SCAI: variants seen among roughly 807,000 people sequenced by gnomAD.
SCAI encodes suppressor of cancer cell invasion.
Under a neutral mutation model 92.2 loss-of-function variants are expected in SCAI, and 24 were observed. That is an observed-to-expected ratio of 0.26 (90% CI 0.19 to 0.37). SCAI has a LOEUF of 0.37. Among genes scored for constraint, SCAI ranks in the 10% least tolerant of loss-of-function variants. SCAI has a pLI of 1.00. For missense variants in SCAI, 450 were observed against 736.2 expected, an observed-to-expected ratio of 0.61 and a Z score of 4.50; for synonymous variants, 261 against 258.6, an observed-to-expected ratio of 1.01 and a Z score of -0.09.
Position 124,945,553 on chromosome 9 carries a change from C to T in SCAI, c.*7254G>A, listed in dbSNP as rs1444035573. On this transcript the variant is annotated 3_prime_UTR_variant, in exon 18 of 18. Transcript: ENST00000336505. ...CTGGGCAACGAGCAAAACTCCATCT[C>T]AAAAAAAAAAAAATTATTAATTTTT... The T allele has an allele frequency of 7.8e-6, 1 of 128,036 alleles. No homozygotes were observed. The highest frequency in any genetic ancestry group is 1.7e-5 in the Non-Finnish European group (1 of 58,870). The allele number at this position is 128,036 out of a possible 1,614,324, so 7.9% of individuals were successfully genotyped here.
chr9:124,960,352 C>T (rs1004213313), intron 17 of SCAI, among the ~76,000 whole-genome samples: 3 of 152,158 alleles, frequency 2.0e-5, no homozygotes, highest in African/African-American at 7.2e-5. Flanking sequence ...GCTTTGGCCT[C>T]CTGAAGTATT....
At chr9:124,968,437 T>C in intron 17 of SCAI, 1 of 1,055,438 alleles carries the variant, frequency 9.5e-7, no homozygotes, top group Non-Finnish European at 1.5e-6. Flanking sequence ...TCATAACGCT[T>C]GAGTCCACTG....
At chr9:125,030,588 T>A (rs550385641) in intron 3 of SCAI, among the ~76,000 whole-genome samples, 5 of 152,220 alleles carry the variant, frequency 3.3e-5, no homozygotes, top group African/African-American at 1.2e-4. Context: ...GTTATTGCCA[T>A]AACAAACATG....
intron 3 of SCAI, among the ~76,000 whole-genome samples, chr9:125,031,151 G>A (rs1366076275): frequency 6.6e-6 from 1 of 152,098 alleles, no homozygotes; most frequent in African/African-American, 2.4e-5. Context: ...ACAAAGTCTA[G>A]AAGACAGTCG....
intron 2 of SCAI, among the ~76,000 whole-genome samples, chr9:125,137,510 C>G (rs1476944293): frequency 6.6e-6 from 1 of 152,226 alleles, no homozygotes; most frequent in Non-Finnish European, 1.5e-5. Flanking sequence ...GCCAAACCAT[C>G]AGAGAGCCAT....
rs145970005 is a variant in SCAI, at chr9:125,034,731, T to C, written c.231-4992A>G. Among the ~76,000 whole-genome samples, 8 of 151,572 alleles carry C rather than the reference T, an allele frequency of 5.3e-5. No homozygotes were observed. In the East Asian group the frequency reaches 1.2e-3, roughly 22 times the overall value. ...CCACTGTACTCTAGCATGGGCAACATAGCAAGACCCTGTCTCAAAACAAAC... is the reference window on the plus strand; with the variant it reads ...CCACTGTACTCTAGCATGGGCAACACAGCAAGACCCTGTCTCAAAACAAAC... On this transcript the variant is annotated intron_variant, in intron 3 of 17. Coordinates refer to ENST00000336505, the MANE Select transcript of SCAI (RefSeq NM_001144877.3).
At chr9:125,137,189 T>TG (rs1353135216) in intron 2 of SCAI, among the ~76,000 whole-genome samples, 1 of 152,252 alleles carries the variant, frequency 6.6e-6, no homozygotes, top group Non-Finnish European at 1.5e-5. Flanking sequence ...AGGAAAATCT[T>TG]GGTCCTGCCC....
At chr9:125,024,070 G>C (rs1298366929) in intron 6 of SCAI, among the ~76,000 whole-genome samples, 1 of 151,702 alleles carries the variant, frequency 6.6e-6, no homozygotes, top group Non-Finnish European at 1.5e-5. Flanking sequence ...CACTTATGTT[G>C]ACATCAACAT....
intron 17 of SCAI, among the ~76,000 whole-genome samples, chr9:124,964,179 A>C (rs1831496807): frequency 6.6e-6 from 1 of 152,106 alleles, no homozygotes; most frequent in African/African-American, 2.4e-5. Flanking sequence ...GGGTTGTCTA[A>C]TGTCCATTTG....
At chr9:124,997,805 GGC>G (rs1832269782) in intron 13 of SCAI, among the ~76,000 whole-genome samples, 1 of 150,174 alleles carries the variant, frequency 6.7e-6, no homozygotes, top group African/African-American at 2.5e-5. Context: ...GAACCCGGAA[GGC>G]AGAGGTTGCA....
At chr9:124,973,914 C>T (rs1013116543) in intron 15 of SCAI, among the ~76,000 whole-genome samples, 2 of 152,194 alleles carry the variant, frequency 1.3e-5, no homozygotes, top group African/African-American at 4.8e-5. Context: ...TCAGCTGGAA[C>T]ACTCTTGCTC....
intron 17 of SCAI, among the ~76,000 whole-genome samples, chr9:124,970,437 G>C (rs74412377): frequency 2.6e-5 from 4 of 151,802 alleles, no homozygotes; most frequent in Non-Finnish European, 5.9e-5. Context: ...AAAATTTCAG[G>C]GCCGGGTGCA....
At chr9:125,003,437 A>G in intron 10 of SCAI, 32 bp downstream of exon 10, 1 of 1,440,670 alleles carries the variant, frequency 6.9e-7, no homozygotes, top group Non-Finnish European at 9.8e-7. Context: ...CCAGAGGGTT[A>G]CCAAACTTGC....
rs1214426933 is a variant in SCAI, at chr9:124,950,605, G to C, written c.*2202C>G. ...TAGTTCAATGAACACTGTTACTAAA[G>C]GAAAGCTATGAAGTTTATTAAGATA... On this transcript the variant is annotated 3_prime_UTR_variant, in exon 18 of 18. Transcript: ENST00000336505. 1.3e-5 allele frequency: 2 copies of C among 151,950 alleles called. No individual in the cohort carries two copies. 9.4% of individuals were successfully genotyped at this position (151,950 alleles called of 1,614,324 possible). A position where few individuals can be genotyped will look rare whatever the true frequency, so the allele number is the denominator to read the frequency against.
chr9:125,042,627 G>GTGTGTGTGTGTT (rs1554783826), intron 3 of SCAI, among the ~76,000 whole-genome samples: 2,401 of 98,800 alleles, frequency 0.024, 35 homozygotes, highest in Admixed American at 0.035. Flanking sequence ...GTGTGTGTGT[G>GTGTGTGTGTGTT]TGTGTGTACA....
intron 13 of SCAI, among the ~76,000 whole-genome samples, chr9:124,998,429 G>C (rs569971092): frequency 1.3e-5 from 2 of 152,104 alleles, no homozygotes; most frequent in African/African-American, 4.8e-5. Flanking sequence ...CTCTAGCCTG[G>C]GCATGAGAGC....
chr9:124,986,715 T>A (rs1588133696), intron 14 of SCAI, among the ~76,000 whole-genome samples: 1 of 152,208 alleles, frequency 6.6e-6, no homozygotes, highest in African/African-American at 2.4e-5. Flanking sequence ...CCTAGATATA[T>A]CACCATATAA....
At chr9:125,007,018 T>G (rs1182555785) in intron 9 of SCAI, among the ~76,000 whole-genome samples, 1 of 151,766 alleles carries the variant, frequency 6.6e-6, no homozygotes. Flanking sequence ...ACTGGGGAGT[T>G]TGTGGTGGGA....
intron 3 of SCAI, among the ~76,000 whole-genome samples, chr9:125,042,858 CTTTTTTTTT>C (rs770118712): frequency 4.1e-4 from 21 of 50,996 alleles, no homozygotes; most frequent in African/African-American, 5.6e-4. Flanking sequence ...TGCTCCCTGG[CTTTTTTTTT>C]TTTTTTTTTT....
Sources: gnomAD v4.1 joint callset for allele counts (sites outside exome capture counted in the v4.1 genomes callset) on GRCh38, gnomAD v4.1.1 for gene constraint, MANE v1.5 for transcripts, NCBI Gene and HGNC (gene_info 2026-07-23, HGNC 2026-07-21) for gene names.